The following HHIPL1 variants were observed in gnomAD, a reference collection of about 807,000 sequenced individuals.
HHIPL1 encodes HHIP like 1.
A neutral mutation model predicts 61.8 loss-of-function variants in HHIPL1; 43 were observed. The ratio of observed to expected loss-of-function variants is 0.70; its 90% CI spans 0.55 to 0.90. The LOEUF (loss-of-function observed/expected upper bound fraction) is 0.90. Ranked by LOEUF, HHIPL1 falls within the 40% of genes least tolerant of loss-of-function variation. The pLI, the probability that HHIPL1 is intolerant of heterozygous loss-of-function variation, is 0.00. For synonymous variants in HHIPL1, 482 were observed against 515.8 expected, an observed-to-expected ratio of 0.93 and a Z score of 0.89; for missense variants, 1,056 against 1,157.7, an observed-to-expected ratio of 0.91 and a Z score of 1.28.
chr14:99,605,387 C>CGGGGG, the HHIPL1 span, among the ~76,000 whole-genome samples: 2 of 115,836 alleles, frequency 1.7e-5, 1 homozygote, highest in Non-Finnish European at 3.6e-5. Context: ...CGGGGCGGGG[C>CGGGGG]GGGGGGGGGT....
the HHIPL1 span, among the ~76,000 whole-genome samples, chr14:99,619,289 C>T: frequency 2.0e-4 from 30 of 152,012 alleles, no homozygotes; most frequent in East Asian, 4.9e-3. Context: ...AGTGAAACCT[C>T]GTCTCTACTA....
At chr14:99,620,639 A>G in the HHIPL1 span, among the ~76,000 whole-genome samples, 17 of 152,290 alleles carry the variant, frequency 1.1e-4, 1 homozygote, top group South Asian at 2.1e-3. Flanking sequence ...GGAAAGGGGG[A>G]CAGGGGCCAC....
rs1261986047 is a variant in HHIPL1, at chr14:99,673,840, G to A, written c.1814-1251G>A. Among the ~76,000 whole-genome samples the A allele has an allele frequency of 3.2e-5, 3 of 94,306 alleles. No homozygotes were observed. The Admixed American group carries it at 3.3e-4, about 10-fold the overall frequency. The allele number at this position is 94,306 out of a possible 152,430, so 61.9% of individuals were successfully genotyped here. The stretch of plus-strand genomic sequence containing the variant: ...GAGGGGGGCGGCATGGAGGGGGGGT[G>A]CACAGAGTTGGGGGATGCACCCAGG... On this transcript the variant is annotated intron_variant, in intron 8 of 8. Coordinates refer to ENST00000330710, the MANE Select transcript of HHIPL1 (RefSeq NM_001127258.3).
rs2055951727 is a variant in HHIPL1 at position 99,652,538 on chromosome 14, C to G, written c.570C>G (p.Ala190=). Residue 190 remains alanine, a synonymous_variant, in exon 2 of 9, where the codon GCC becomes GCG. Coordinates refer to ENST00000330710, the MANE Select transcript of HHIPL1 (RefSeq NM_001127258.3). ...GCLQLCLEEV[A]NGLRNPVAMV... ...TGCAGCTGTGCCTGGAGGAGGTGGCCAACGGGCTGCGCAACCCCGTGGCCA... is the reference window on the plus strand; with the variant it reads ...TGCAGCTGTGCCTGGAGGAGGTGGCGAACGGGCTGCGCAACCCCGTGGCCA... 2 of 1,613,080 alleles carry G rather than the reference C, an allele frequency of 1.2e-6. No individual in the cohort carries two copies. Among genetic ancestry groups the G allele is most frequent in the Non-Finnish European group, 1.7e-6 (2 of 1,180,024 alleles).
rs986728022 is a variant in HHIPL1 at position 99,652,275 on chromosome 14, C to A, written c.307C>A (p.Pro103Thr). 3 of 1,613,552 alleles carry A rather than the reference C, an allele frequency of 1.9e-6. No individual in the cohort carries two copies. Among genetic ancestry groups the A allele is most frequent in the African/African-American group, 1.3e-5 (1 of 74,938 alleles). ...HLYDAEDPFT[P>T]LRTVPGLCQD... ...CTATGACGCCGAGGACCCATTCACGCCCCTGCGCACGGTGCCCGGGCTCTG... is the reference window on the plus strand; with the variant it reads ...CTATGACGCCGAGGACCCATTCACGACCCTGCGCACGGTGCCCGGGCTCTG... Residue 103 changes from proline (P) to threonine (T), a missense_variant, in exon 2 of 9, where the codon CCC (proline) becomes ACC (threonine). By Grantham distance (38) the Pro-to-Thr change is conservative. Coordinates refer to ENST00000330710, the MANE Select transcript of HHIPL1 (RefSeq NM_001127258.3).
At chr14:99,605,330 C>G in the HHIPL1 span, among the ~76,000 whole-genome samples, 1 of 149,616 alleles carries the variant, frequency 6.7e-6, no homozygotes, top group African/African-American at 2.5e-5. Flanking sequence ...CGTTATCCTC[C>G]GGTCCCCAAA....
the HHIPL1 span, chr14:99,625,117 C>T: frequency 6.6e-6 from 1 of 152,272 alleles, no homozygotes; most frequent in Admixed American, 6.5e-5. Flanking sequence ...GGTAGGTCAG[C>T]TCTGAAAGCA....
chr14:99,676,870 G>A lies in HHIPL1; in HGVS notation c.*1244G>A, dbSNP rs1349482300. 7.3e-4 allele frequency: 15 copies of A among 20,614 alleles called. No homozygotes were observed. The highest frequency in any genetic ancestry group is 2.3e-3 in the Admixed American group (3 of 1,310). 1.3% of individuals were successfully genotyped at this position (20,614 alleles called of 1,614,324 possible). On this transcript the variant is annotated 3_prime_UTR_variant, in exon 9 of 9. Transcript: ENST00000330710. The stretch of plus-strand genomic sequence containing the variant: ...CGCTCAGCCTCGGATGGGAGCACGG[G>A]TGGGGGGTGGGTAAGCAGATGAGTC...
intron 8 of HHIPL1, among the ~76,000 whole-genome samples, chr14:99,674,672 G>A (rs1290681327): frequency 6.6e-6 from 1 of 152,108 alleles, no homozygotes; most frequent in African/African-American, 2.4e-5. Context: ...AAGATGAAAC[G>A]GTGACTTTCT....
upstream of HHIPL1, among the ~76,000 whole-genome samples, chr14:99,640,218 T>C (rs955313834): frequency 6.6e-6 from 1 of 152,366 alleles, no homozygotes; most frequent in Non-Finnish European, 1.5e-5. Flanking sequence ...CTTTTACAAT[T>C]ATTTTAATGG....
rs1212323044 is a variant in HHIPL1 at position 99,668,227 on chromosome 14, C to A, written c.1654C>A (p.Leu552Met). The part of the protein sequence containing the change: ...ISFGEDEAGE[L>M]YFMSTGEPSA... The stretch of plus-strand genomic sequence containing the variant: ...TCACTTTGTTCTGTCCAAAGGGGAG[C>A]TGTACTTCATGTCGACAGGGGAGCC... The change falls in exon 7 of 9, where the codon CTG (leucine) becomes ATG (methionine). Residue 552 changes from leucine (L) to methionine (M), a missense_variant. By Grantham distance (15) the Leu-to-Met change is conservative (BLOSUM62 2). Coordinates refer to ENST00000330710, the MANE Select transcript of HHIPL1 (RefSeq NM_001127258.3). This position sits in a 1 kb window ranked among gnomAD's most constrained non-coding sequence, Gnocchi z 4.7. 4.4e-6 allele frequency: 7 copies of A among 1,604,732 alleles called. No individual in the cohort carries two copies. The highest frequency in any genetic ancestry group is 6.0e-6 in the Non-Finnish European group (7 of 1,171,632).
In HHIPL1 at chr14:99,678,379, C is replaced by T. The variant is rs1214682660; in HGVS notation, c.*2753C>T. On this transcript the variant is annotated 3_prime_UTR_variant, in exon 9 of 9. Coordinates refer to ENST00000330710, the MANE Select transcript of HHIPL1 (RefSeq NM_001127258.3). ...ATGCTGGAAAGAAATAGCACTAAAA[C>T]ATAAATTTAATTCTTTCAGCAAGGC... The T allele has an allele frequency of 6.6e-6, 1 of 152,164 alleles. No individual in the cohort carries two copies. Among genetic ancestry groups the T allele is most frequent in the Admixed American group, 6.5e-5 (1 of 15,278 alleles). 9.4% of individuals were successfully genotyped at this position (152,164 alleles called of 1,614,324 possible).
Position 99,668,923 on chromosome 14 carries a change from AAATG to A in HHIPL1, c.1730+622_1730+625del. On this transcript the variant is annotated intron_variant, in intron 7 of 8. Coordinates refer to ENST00000330710, the MANE Select transcript of HHIPL1 (RefSeq NM_001127258.3). The surrounding 1 kb of genome is among the most constrained non-coding windows in gnomAD (Gnocchi z 4.7). ...TCAGCCGTTCATTTTACAGTGGTGG[AAATG>A]AGCACAAAGACACGAAGTCATGGGC... The A allele has an allele frequency of 6.2e-7, 1 of 1,612,440 alleles. No homozygotes were observed.
At position 99,652,742 on chromosome 14, in the gene HHIPL1, C is replaced by G. The variant is rs1482371194; in HGVS notation, c.774C>G (p.Pro258=). 14 of 1,614,058 alleles carry G rather than the reference C, an allele frequency of 8.7e-6. No individual in the cohort carries two copies. In the East Asian group the frequency reaches 8.9e-5, roughly 10 times the overall value. The change falls in exon 2 of 9, where the codon CCC becomes CCG. Residue 258 remains proline, a synonymous_variant. Coordinates refer to ENST00000330710, the MANE Select transcript of HHIPL1 (RefSeq NM_001127258.3). The part of the protein sequence containing the change: ...ERGFLGIAFH[P]SFQHNRRLYV... ...GCTTCCTGGGCATTGCCTTCCACCC[C>G]AGCTTCCAGCACAACCGCAGGCTCT...
chr14:99,642,557 G>A (rs12887206), upstream of HHIPL1, among the ~76,000 whole-genome samples: 34,642 of 150,032 alleles, frequency 0.23, 4,097 homozygotes, highest in East Asian at 0.35. Flanking sequence ...ACGGAGTCTC[G>A]CTCTGTCACC....
chr14:99,638,644 A>T, the HHIPL1 span, among the ~76,000 whole-genome samples: 1 of 152,194 alleles, frequency 6.6e-6, no homozygotes, highest in Non-Finnish European at 1.5e-5. Flanking sequence ...AGAGATAGGG[A>T]AACAGAGGTT....
At position 99,657,008 on chromosome 14, in the gene HHIPL1, T is replaced by A; in HGVS notation, c.911T>A (p.Leu304Gln). 6.2e-7 allele frequency: 1 copy of A among 1,609,962 alleles called. No homozygotes were observed. Among genetic ancestry groups the A allele is most frequent in the Non-Finnish European group, 8.5e-7 (1 of 1,177,900 alleles). The change falls in exon 3 of 9, where the codon CTG becomes CAG. Residue 304 changes from leucine to glutamine, a missense_variant. By Grantham distance (113) the Leu-to-Gln change is moderately radical (BLOSUM62 -2). Transcript: ENST00000330710. The stretch of plus-strand genomic sequence containing the variant: ...CCCTTATCTTCCTTTAGGATAATCC[T>A]GGAGGTCAAAGAACCAGCCTCAAAC... ...AVDHSSERII[L>Q]EVKEPASNHN...
At chr14:99,631,094 TTCTTTCTTTCTTTCTCTC>T in the HHIPL1 span, among the ~76,000 whole-genome samples, 1 of 136,612 alleles carries the variant, frequency 7.3e-6, no homozygotes, top group Non-Finnish European at 1.6e-5. Context: ...CTTTCTTTCT[TTCTTTCTTTCTTTCTCTC>T]TCTTTCTTTC....
the HHIPL1 span, among the ~76,000 whole-genome samples, chr14:99,608,921 C>A: frequency 2.6e-5 from 4 of 152,184 alleles, no homozygotes; most frequent in Non-Finnish European, 5.9e-5. Context: ...TGTATCTGAC[C>A]CCATAGACTA....
Sources: gnomAD v4.1 joint callset for allele counts (sites outside exome capture counted in the v4.1 genomes callset) on GRCh38, gnomAD v4.1.1 for gene constraint, Gnocchi (gnomAD v3.1) non-coding constraint, MANE v1.5 for transcripts, NCBI Gene and HGNC (gene_info 2026-07-23, HGNC 2026-07-21) for gene names.